Variants in PRKG2 observed in about 807,000 individuals in gnomAD.
PRKG2 encodes cGMP-dependent protein kinase 2.
In PRKG2, 33 loss-of-function variants were observed where a neutral mutation model predicts 97.2. The ratio of observed to expected loss-of-function variants is 0.34; its 90% CI spans 0.26 to 0.45. The LOEUF (loss-of-function observed/expected upper bound fraction) is 0.45, where lower values mean the gene tolerates loss of function less well. PRKG2 is among the 20% of genes least tolerant of loss of function. PRKG2 has a pLI of 1.00. For synonymous variants in PRKG2, 330 were observed against 321.8 expected (o/e 1.03, Z -0.27); for missense variants, 638 against 900.0 (o/e 0.71, Z 3.73).
chr4:81,140,319 C>T (rs1747150048), intron 12 of PRKG2, among the ~76,000 whole-genome samples: 1 of 152,108 alleles, frequency 6.6e-6, no homozygotes, highest in African/African-American at 2.4e-5. Context: ...TTGTTTGTAA[C>T]ACAAAGGATA....
chr4:81,162,406 A>ATGCATGCTT (rs1749653959), intron 6 of PRKG2, among the ~76,000 whole-genome samples: 1 of 152,144 alleles, frequency 6.6e-6, no homozygotes, highest in Non-Finnish European at 1.5e-5. Context: ...CACCAAGCCC[A>ATGCATGCTT]TGCATGCTTT....
chr4:81,138,374 T>C (rs1746926985), intron 12 of PRKG2, among the ~76,000 whole-genome samples: 1 of 152,162 alleles, frequency 6.6e-6, no homozygotes, highest in Non-Finnish European at 1.5e-5. Context: ...AGCCGTATCA[T>C]ACACAGATAG....
In PRKG2 at chr4:81,187,521, G is replaced by A. The variant is rs149296950; in HGVS notation, c.462-12562C>T. ...CCACAGCTAATATCATACTGAATGG[G>A]CAAAATCTGGAAGCATTCCCTTTAA... is the stretch of plus-strand genomic sequence containing the variant. On this transcript the variant is annotated intron_variant, in intron 2 of 18. Transcript: ENST00000264399. Among the ~76,000 whole-genome samples the A allele has an allele frequency of 2.6e-5, 4 of 152,218 alleles. No individual in the cohort carries two copies. The East Asian group carries it at 7.7e-4, about 29-fold the overall frequency.
chr4:81,151,484 A>G (rs919165944), intron 8 of PRKG2, among the ~76,000 whole-genome samples: 8 of 152,126 alleles, frequency 5.3e-5, no homozygotes, highest in African/African-American at 1.9e-4. Context: ...AATTGCAAAT[A>G]TACTATTTTG....
In PRKG2 at chr4:81,167,170, G is replaced by A. The variant is rs776113822; in HGVS notation, c.903C>T (p.Cys301=). 1.4e-5 allele frequency: 23 copies of A among 1,589,992 alleles called. No individual in the cohort carries two copies. The highest frequency in any genetic ancestry group is 2.3e-5 in the East Asian group (1 of 44,440). ...PEDKLTKIID[C]LEVEYYDKGD... Reference sequence around the variant, plus strand: ...CTTCAAAATTTCTTACCACTTCCAAGCAGTCAATGATCTTGGTTAATTTAT... The same window carrying A: ...CTTCAAAATTTCTTACCACTTCCAAACAGTCAATGATCTTGGTTAATTTAT... The change falls in exon 6 of 19, where the codon TGC becomes TGT. Residue 301 remains cysteine, a synonymous_variant. Coordinates refer to ENST00000264399, the MANE Select transcript of PRKG2 (RefSeq NM_006259.3).
At chr4:81,105,729 C>T in intron 16 of PRKG2, 84 bp downstream of exon 16, 2 of 1,521,160 alleles carry the variant, frequency 1.3e-6, no homozygotes, top group South Asian at 2.6e-5. Context: ...AGTAAATATG[C>T]ACCTAATTTT....
intron 12 of PRKG2, among the ~76,000 whole-genome samples, chr4:81,139,861 T>C (rs1407830119): frequency 5.9e-5 from 9 of 151,822 alleles, no homozygotes; most frequent in Middle Eastern, 3.2e-3. Context: ...TTTTTAGTAC[T>C]GTTGCTGTGA....
intron 14 of PRKG2, among the ~76,000 whole-genome samples, chr4:81,122,927 C>T (rs1017141655): frequency 6.6e-6 from 1 of 152,226 alleles, no homozygotes; most frequent in Non-Finnish European, 1.5e-5. Context: ...TCAGAAGCCT[C>T]AGCTAAAACA....
intron 2 of PRKG2, among the ~76,000 whole-genome samples, chr4:81,176,595 T>C (rs1232505185): frequency 6.6e-6 from 1 of 152,170 alleles, no homozygotes; most frequent in Non-Finnish European, 1.5e-5. Context: ...CAGTGTTTCC[T>C]CAATGCCCAC....
chr4:81,140,986 T>G (rs1014134687), intron 11 of PRKG2, among the ~76,000 whole-genome samples: 1 of 152,014 alleles, frequency 6.6e-6, no homozygotes, highest in African/African-American at 2.4e-5. Context: ...TTTTTATTAT[T>G]CACTTTGCTT....
chr4:81,112,295 T>C (rs182480797), intron 14 of PRKG2, among the ~76,000 whole-genome samples: 4 of 152,252 alleles, frequency 2.6e-5, no homozygotes, highest in Admixed American at 2.6e-4. Flanking sequence ...AAAATTAAAA[T>C]TTGTAATCAG....
chr4:81,213,277 G>A lies in PRKG2; in HGVS notation c.-14+1659C>T, dbSNP rs535503842. 2.5e-4 allele frequency among the ~76,000 whole-genome samples: 38 copies of A among 152,258 alleles called. 1 individual carries two copies. The highest frequency in any genetic ancestry group is 1.3e-3 in the Admixed American group (20 of 15,284). On this transcript the variant is annotated intron_variant, in intron 1 of 18. Coordinates refer to ENST00000264399, the MANE Select transcript of PRKG2 (RefSeq NM_006259.3). ...TGAGATCACTAAGGGAGGTAAGAAA[G>A]GAATGTCTCTATTGTTACCTATGAA...
intron 2 of PRKG2, among the ~76,000 whole-genome samples, chr4:81,198,607 C>T (rs1000098098): frequency 8.5e-5 from 13 of 152,136 alleles, no homozygotes; most frequent in Non-Finnish European, 1.6e-4. Flanking sequence ...AGAGAATACA[C>T]ATTTGACATC....
chr4:81,114,073 G>C (rs1395516953), intron 14 of PRKG2, among the ~76,000 whole-genome samples: 1 of 152,038 alleles, frequency 6.6e-6, no homozygotes, highest in Non-Finnish European at 1.5e-5. Flanking sequence ...GCATACCCCA[G>C]GACAAACAGG....
At chr4:81,182,162 A>C (rs930374597) in intron 2 of PRKG2, among the ~76,000 whole-genome samples, 1 of 151,898 alleles carries the variant, frequency 6.6e-6, no homozygotes, top group Non-Finnish European at 1.5e-5. Flanking sequence ...AAAAAGAAAA[A>C]TAAAATATAA....
In PRKG2 at chr4:81,110,482, G is replaced by T. The variant is rs1243906464; in HGVS notation, c.1906C>A (p.Leu636Met). Residue 636 changes from leucine (L) to methionine (M), a missense_variant, in exon 15 of 19, where the codon CTG (leucine) becomes ATG (methionine). By Grantham distance (15) the Leu-to-Met change is conservative. Transcript: ENST00000264399. ...GHDFSVDFWS[L>M]GILVYELLTG... The stretch of plus-strand genomic sequence containing the variant: ...AGGAGCTCATACACTAGAATTCCCA[G>T]TGACCAGAAATCCACACTGAAGTCA... 3 of 1,613,714 alleles carry T rather than the reference G, an allele frequency of 1.9e-6. No homozygotes were observed. The highest frequency in any genetic ancestry group is 2.5e-6 in the Non-Finnish European group (3 of 1,179,944).
At chr4:81,144,011 C>T (rs79142617) in intron 10 of PRKG2, among the ~76,000 whole-genome samples, 12,828 of 152,188 alleles carry the variant, frequency 0.084, 1,843 homozygotes, top group African/African-American at 0.29. Context: ...CATTCCTACT[C>T]ATCATCCAAA....
At chr4:81,095,841 G>A (rs72663803) in intron 17 of PRKG2, among the ~76,000 whole-genome samples, 210 of 152,296 alleles carry the variant, frequency 1.4e-3, no homozygotes, top group Middle Eastern at 3.4e-3. Context: ...TGAAGGTTCA[G>A]ATCCAAACCA....
At chr4:81,199,499 T>C (rs1753165509) in intron 2 of PRKG2, among the ~76,000 whole-genome samples, 1 of 152,176 alleles carries the variant, frequency 6.6e-6, no homozygotes, top group African/African-American at 2.4e-5. Context: ...GTTTCCTATA[T>C]TACACTCTAC....
Sources: gnomAD v4.1 joint callset for allele counts (sites outside exome capture counted in the v4.1 genomes callset) on GRCh38, gnomAD v4.1.1 for gene constraint, MANE v1.5 for transcripts, NCBI Gene and HGNC (gene_info 2026-07-23, HGNC 2026-07-21) for gene names.